The following ABCC1 variants were observed in gnomAD, a reference collection of about 807,000 sequenced individuals.
ABCC1 encodes multidrug resistance-associated protein 1.
ABCC1 carries 83 observed loss-of-function variants against 172.9 expected under a neutral mutation model. The ratio of observed to expected loss-of-function variants is 0.48; its 90% CI spans 0.40 to 0.58. The LOEUF (loss-of-function observed/expected upper bound fraction) is 0.58, where lower values mean the gene tolerates loss of function less well. Among genes scored for constraint, ABCC1 ranks in the 20% least tolerant of loss-of-function variants. ABCC1 has a pLI of 0.00. For missense variants in ABCC1, 1,817 were observed against 2,002.7 expected (o/e 0.91, Z 1.77); for synonymous variants, 937 against 825.2 (o/e 1.14, Z -2.32).
chr16:16,031,771 CCATGCACTTACTTTGTCT>C (rs1483472774), intron 5 of ABCC1, among the ~76,000 whole-genome samples: 8 of 152,286 alleles, frequency 5.3e-5, no homozygotes, highest in African/African-American at 1.9e-4. Context: ...AGATCAGCCC[CCATGCACTTACTTTGTCT>C]CATTGGTAAT....
At chr16:16,108,573 C>T (rs80140063) in intron 21 of ABCC1, among the ~76,000 whole-genome samples, 2 of 147,722 alleles carry the variant, frequency 1.4e-5, no homozygotes, top group Non-Finnish European at 3.0e-5. Context: ...CTGCGCCCGG[C>T]CTTTTTTTTT....
chr16:15,967,773 CAACA>C (rs200857899), intron 1 of ABCC1, among the ~76,000 whole-genome samples: 23,286 of 138,048 alleles, frequency 0.17, 2,031 homozygotes, highest in Non-Finnish European at 0.2. Flanking sequence ...AAAAAAAAAA[CAACA>C]AAAAAAAAAC....
At chr16:16,055,998 A>T in intron 11 of ABCC1, 94 bp from the exon 12 acceptor site, 2 of 1,091,842 alleles carry the variant, frequency 1.8e-6, no homozygotes, top group Non-Finnish European at 2.7e-6. Flanking sequence ...GTCAAAGTAT[A>T]TAATAAAGTT....
chr16:16,135,943 A>G (rs1489045715), intron 28 of ABCC1, among the ~76,000 whole-genome samples: 1 of 151,736 alleles, frequency 6.6e-6, no homozygotes, highest in Non-Finnish European at 1.5e-5. Context: ...ACCCACTTGC[A>G]TATTGAAGGC....
At chr16:15,984,792 A>G (rs2151602654) in intron 1 of ABCC1, among the ~76,000 whole-genome samples, 1 of 152,234 alleles carries the variant, frequency 6.6e-6, no homozygotes, top group South Asian at 2.1e-4. Flanking sequence ...ACGTACACAC[A>G]TATATATTTT....
intron 27 of ABCC1, among the ~76,000 whole-genome samples, chr16:16,133,197 T>G (rs1410036501): frequency 1.3e-5 from 2 of 152,150 alleles, no homozygotes; most frequent in East Asian, 3.9e-4. Flanking sequence ...CTGGAATTGG[T>G]CTGACAGTCT....
intron 18 of ABCC1, among the ~76,000 whole-genome samples, chr16:16,088,352 G>A (rs1254886710): frequency 6.6e-6 from 1 of 152,178 alleles, no homozygotes; most frequent in African/African-American, 2.4e-5. Flanking sequence ...AGCTGAGGCC[G>A]GAGAATGTCT....
At chr16:16,074,847 C>T (rs2050492046) in intron 14 of ABCC1, among the ~76,000 whole-genome samples, 1 of 151,994 alleles carries the variant, frequency 6.6e-6, no homozygotes, top group African/African-American at 2.4e-5. Flanking sequence ...GAAGTTATTT[C>T]TTCATTTGAC....
At chr16:16,039,266 CTTT>C (rs1202497870) in intron 7 of ABCC1, among the ~76,000 whole-genome samples, 3 of 87,766 alleles carry the variant, frequency 3.4e-5, no homozygotes, top group Admixed American at 2.4e-4. Context: ...TGTGTGTTTT[CTTT>C]TTTTTTTTTT....
chr16:16,094,706 G>A (rs1032630890), intron 19 of ABCC1, among the ~76,000 whole-genome samples: 21 of 151,504 alleles, frequency 1.4e-4, no homozygotes, highest in Admixed American at 1.3e-3. Flanking sequence ...TAGTAGAAAC[G>A]GGGTTTCACC....
chr16:16,074,842 T>C (rs1345995435), intron 14 of ABCC1, among the ~76,000 whole-genome samples: 1 of 152,200 alleles, frequency 6.6e-6, no homozygotes, highest in Non-Finnish European at 1.5e-5. Context: ...TGGAGGAAGT[T>C]ATTTCTTCAT....
chr16:16,098,336 T>G (rs895462695), intron 19 of ABCC1: 1 of 176,254 alleles, frequency 5.7e-6, no homozygotes, highest in Admixed American at 5.4e-5. Flanking sequence ...GTTATGACTT[T>G]GGCCAGGCAT....
chr16:15,954,803 A>T (rs902058638), intron 1 of ABCC1, among the ~76,000 whole-genome samples: 1 of 152,084 alleles, frequency 6.6e-6, no homozygotes, highest in African/African-American at 2.4e-5. Flanking sequence ...ATGGGGGGGA[A>T]GAAAACCTTT....
intron 27 of ABCC1, among the ~76,000 whole-genome samples, chr16:16,132,514 T>TG (rs1567441412): frequency 1.4e-4 from 11 of 77,152 alleles, no homozygotes; most frequent in African/African-American, 5.8e-4. Context: ...TTGGTTGTTT[T>TG]TTTTTTTTTT....
Position 16,079,370 on chromosome 16 carries a change from C to T in ABCC1, c.2007C>T (p.Pro669=), listed in dbSNP as rs2301666. The part of the protein sequence containing the change: ...PTLNGITFSI[P]EGALVAVVGQ... ...GTTTCAGCATCACCTTCTCCATCCC[C>T]GAAGGTGCTTTGGTGGCCGTGGTGG... The change falls in exon 16 of 31, where the codon CCC becomes CCT. Residue 669 remains proline, a synonymous_variant. Transcript: ENST00000399410. 1.2e-3 allele frequency: 1,887 copies of T among 1,613,996 alleles called. 27 individuals carry two copies. The East Asian group carries it at 0.031, about 26-fold the overall frequency.
chr16:16,077,891 T>C (rs376236636), intron 15 of ABCC1, among the ~76,000 whole-genome samples: 68 of 152,004 alleles, frequency 4.5e-4, no homozygotes, highest in African/African-American at 1.4e-3. Flanking sequence ...GGCATGGTGG[T>C]GCATGCCTGT....
chr16:16,082,197 G>C (rs2050831465), intron 16 of ABCC1, among the ~76,000 whole-genome samples: 1 of 152,268 alleles, frequency 6.6e-6, no homozygotes, highest in African/African-American at 2.4e-5. Flanking sequence ...TTCACTTCCA[G>C]GCCTTCGCAT....
At chr16:15,982,772 C>T (rs1248284633) in intron 1 of ABCC1, among the ~76,000 whole-genome samples, 2 of 122,156 alleles carry the variant, frequency 1.6e-5, no homozygotes, top group African/African-American at 3.0e-5. Context: ...CACCACTGCA[C>T]TCCAGTCTGG....
chr16:16,043,709 C>T (rs1434039354), intron 7 of ABCC1, among the ~76,000 whole-genome samples: 2 of 152,120 alleles, frequency 1.3e-5, no homozygotes. Flanking sequence ...TCAAGTAATT[C>T]TCCTGCCTCA....
Sources: allele counts gnomAD v4.1 joint callset (sites outside exome capture counted in the v4.1 genomes callset), GRCh38; gene constraint gnomAD v4.1.1; transcripts MANE v1.5; gene names NCBI Gene and HGNC (gene_info 2026-07-23, HGNC 2026-07-21).